SH3PXD2A: variants seen among roughly 807,000 people sequenced by gnomAD.
SH3PXD2A encodes the protein SH3 and PX domain-containing protein 2A.
SH3PXD2A carries 32 observed loss-of-function variants against 115.2 expected under a neutral mutation model. The observed-to-expected ratio is 0.28, with a 90% CI of 0.21 to 0.37. SH3PXD2A has a LOEUF of 0.37. SH3PXD2A is among the 10% of genes least tolerant of loss of function. The probability of loss-of-function intolerance (pLI) is 1.00; values close to 1 mark genes in which losing one functional copy is unlikely to be tolerated. For missense variants in SH3PXD2A, 1,328 were observed against 1,498.7 expected, an observed-to-expected ratio of 0.89 and a Z score of 1.88; for synonymous variants, 610 against 629.1, an observed-to-expected ratio of 0.97 and a Z score of 0.45.
intron 7 of SH3PXD2A, among the ~76,000 whole-genome samples, chr10:103,662,361 G>GGGGA (rs2037321883): frequency 9.6e-6 from 1 of 104,482 alleles, no homozygotes; most frequent in African/African-American, 3.9e-5. Context: ...GGCGGGGGGG[G>GGGGA]ATAAGACACT....
intron 1 of SH3PXD2A, among the ~76,000 whole-genome samples, chr10:103,835,407 G>C (rs1564900531): frequency 6.6e-6 from 1 of 152,192 alleles, no homozygotes; most frequent in Non-Finnish European, 1.5e-5. Flanking sequence ...GACTGGGAAG[G>C]TCTGTTTCTC....
At chr10:103,831,739 C>T (rs1164144458) in intron 1 of SH3PXD2A, among the ~76,000 whole-genome samples, 1 of 152,156 alleles carries the variant, frequency 6.6e-6, no homozygotes, top group African/African-American at 2.4e-5. Flanking sequence ...GCAACTAATA[C>T]ATCACCACTA....
In SH3PXD2A at chr10:103,855,305, C is replaced by G; in HGVS notation, c.-39G>C. On this transcript the variant is annotated 5_prime_UTR_variant, in exon 1 of 15. Coordinates refer to ENST00000369774, the MANE Select transcript of SH3PXD2A (RefSeq NM_001394015.1). ...GCGAGTGGCGCCCCCGGCGGCGTCA[C>G]CTTCTCATCCCGGCCGGGCTCCGGC... 3 of 1,471,062 alleles carry G rather than the reference C, an allele frequency of 2.0e-6. No homozygotes were observed. The highest frequency in any genetic ancestry group is 2.7e-6 in the Non-Finnish European group (3 of 1,094,534). The allele number at this position is 1,471,062 out of a possible 1,614,324, so 91.1% of individuals were successfully genotyped here.
At chr10:103,744,175 C>G (rs1224505624) in intron 3 of SH3PXD2A, among the ~76,000 whole-genome samples, 1 of 140,614 alleles carries the variant, frequency 7.1e-6, no homozygotes, top group Non-Finnish European at 1.5e-5. Flanking sequence ...TTTTTTGCGA[C>G]AGAGTTTCGC....
chr10:103,642,320 C>G (rs557519010), intron 8 of SH3PXD2A, among the ~76,000 whole-genome samples: 95 of 152,264 alleles, frequency 6.2e-4, no homozygotes, highest in African/African-American at 2.2e-3. Flanking sequence ...GCCTGTGGCC[C>G]GCTCTTTCTT....
At chr10:103,655,539 G>A (rs199528695) in intron 8 of SH3PXD2A, among the ~76,000 whole-genome samples, 1 of 152,062 alleles carries the variant, frequency 6.6e-6, no homozygotes, top group African/African-American at 2.4e-5. Context: ...TTGGGAGGCC[G>A]AGGTAGGTGG....
At chr10:103,738,522 G>A (rs2038406419) in intron 3 of SH3PXD2A, among the ~76,000 whole-genome samples, 1 of 152,058 alleles carries the variant, frequency 6.6e-6, no homozygotes, top group African/African-American at 2.4e-5. Flanking sequence ...CAGCGGTCCA[G>A]CCGTATGAGC....
chr10:103,804,544 G>A (rs1381724787), intron 1 of SH3PXD2A, among the ~76,000 whole-genome samples: 1 of 151,710 alleles, frequency 6.6e-6, no homozygotes, highest in Non-Finnish European at 1.5e-5. Flanking sequence ...GGATGGTCTC[G>A]ATCTTCTCAC....
chr10:103,844,908 G>C (rs1842826488), intron 1 of SH3PXD2A, among the ~76,000 whole-genome samples: 1 of 152,200 alleles, frequency 6.6e-6, no homozygotes, highest in African/African-American at 2.4e-5. Context: ...CTTGAATAAG[G>C]GCTGGGTAAA....
intron 1 of SH3PXD2A, among the ~76,000 whole-genome samples, chr10:103,814,019 C>CA (rs1252173616): frequency 0.04 from 4,955 of 123,494 alleles, 164 homozygotes; most frequent in South Asian, 0.094. Flanking sequence ...AAAAAAACAA[C>CA]AAAAAAAAAA....
intron 1 of SH3PXD2A, among the ~76,000 whole-genome samples, chr10:103,842,645 G>A (rs151093112): frequency 2.6e-4 from 39 of 152,152 alleles, no homozygotes; most frequent in African/African-American, 7.7e-4. Context: ...AGCAATATTC[G>A]TCTTTCCGTC....
intron 2 of SH3PXD2A, among the ~76,000 whole-genome samples, chr10:103,793,541 A>G (rs2039057406): frequency 1.3e-5 from 2 of 152,218 alleles, no homozygotes; most frequent in African/African-American, 4.8e-5. Flanking sequence ...AAACAACATG[A>G]GGCTGTCTGT....
intron 6 of SH3PXD2A, among the ~76,000 whole-genome samples, chr10:103,682,756 C>CAAA (rs10706432): frequency 7.2e-6 from 1 of 138,318 alleles, no homozygotes; most frequent in Non-Finnish European, 1.6e-5. Flanking sequence ...GATTCCGTCT[C>CAAA]AAAAAAAAAA....
intron 10 of SH3PXD2A, among the ~76,000 whole-genome samples, chr10:103,619,658 C>A (rs561883399): frequency 6.6e-6 from 1 of 152,286 alleles, no homozygotes; most frequent in South Asian, 2.1e-4. Flanking sequence ...AAGACAGAAT[C>A]CCGTGGGCCA....
Position 103,835,161 on chromosome 10 carries a change from G to A in SH3PXD2A, c.72+20034C>T, listed in dbSNP as rs560701013. Among the ~76,000 whole-genome samples the A allele has an allele frequency of 2.6e-5, 4 of 152,316 alleles. No individual in the cohort carries two copies. In the East Asian group the frequency reaches 5.8e-4, roughly 22 times the overall value. Reference sequence around the variant, plus strand: ...TCACAAGCTGGCTAGGTACCAGGAAGCCCTCTCCCAGCAGCTCTGGAAACC... The same window carrying A: ...TCACAAGCTGGCTAGGTACCAGGAAACCCTCTCCCAGCAGCTCTGGAAACC... On this transcript the variant is annotated intron_variant, in intron 1 of 14. Transcript: ENST00000369774.
At chr10:103,655,214 C>A (rs1030297378) in intron 8 of SH3PXD2A, among the ~76,000 whole-genome samples, 20 of 152,336 alleles carry the variant, frequency 1.3e-4, no homozygotes, top group Middle Eastern at 3.4e-3. Flanking sequence ...GGCACCACCT[C>A]TGTGGCACCA....
At chr10:103,698,962 G>C (rs1194742375) in intron 5 of SH3PXD2A, among the ~76,000 whole-genome samples, 1 of 152,132 alleles carries the variant, frequency 6.6e-6, no homozygotes, top group Admixed American at 6.6e-5. Context: ...ACTGGGCAGT[G>C]AGGGTAGTGG....
chr10:103,633,042 A>T (rs1417263078), intron 8 of SH3PXD2A, among the ~76,000 whole-genome samples: 5 of 152,178 alleles, frequency 3.3e-5, no homozygotes, highest in Non-Finnish European at 7.4e-5. Context: ...CTGACACAGG[A>T]AGGACCTGAG....
chr10:103,791,444 C>T (rs7092718), intron 2 of SH3PXD2A, among the ~76,000 whole-genome samples: 100,683 of 152,022 alleles, frequency 0.66, 34,941 homozygotes, highest in Non-Finnish European at 0.76. Flanking sequence ...ACCCACAGCA[C>T]GGTGCATATC....
Sources: allele counts gnomAD v4.1 joint callset (sites outside exome capture counted in the v4.1 genomes callset), GRCh38; gene constraint gnomAD v4.1.1; transcripts MANE v1.5; gene names NCBI Gene and HGNC (gene_info 2026-07-23, HGNC 2026-07-21).